PRKAR1A: variants seen among roughly 807,000 people sequenced by gnomAD.
The protein encoded by PRKAR1A is cAMP-dependent protein kinase type I-alpha regulatory subunit.
Under a neutral mutation model 52.0 loss-of-function variants are expected in PRKAR1A, and 3 were observed. The observed-to-expected ratio is 0.06, with a 90% CI of 0.03 to 0.15. PRKAR1A has a LOEUF of 0.15. Ranked by LOEUF, PRKAR1A falls within the 10% of genes least tolerant of loss-of-function variation. The pLI, the probability that PRKAR1A is intolerant of heterozygous loss-of-function variation, is 1.00. For missense variants in PRKAR1A, 240 were observed against 477.4 expected (o/e 0.50, Z 4.63); for synonymous variants, 188 against 168.4 (o/e 1.12, Z -0.90).
At chr17:68,454,512 G>A in the PRKAR1A span, among the ~76,000 whole-genome samples, 1 of 152,102 alleles carries the variant, frequency 6.6e-6, no homozygotes, top group Non-Finnish European at 1.5e-5. Flanking sequence ...GTGACGTCTC[G>A]CAGCCCTCCA....
the PRKAR1A span, among the ~76,000 whole-genome samples, chr17:68,490,772 T>A: frequency 6.6e-5 from 10 of 152,288 alleles, no homozygotes; most frequent in African/African-American, 2.4e-4. Context: ...GCATCCCTCA[T>A]CATCCTTTGG....
Position 68,520,081 on chromosome 17 carries a change from C to T in PRKAR1A, c.178-2675C>T, listed in dbSNP as rs151333293. On this transcript the variant is annotated intron_variant, in intron 2 of 10. Transcript: ENST00000589228. ...TGTTCTTGACACCACATATCTTGTT[C>T]TGGGGCTGAGCAGAAGGAGCAGCCC... 4.1e-4 allele frequency among the ~76,000 whole-genome samples: 63 copies of T among 152,296 alleles called. No homozygotes were observed. The East Asian group carries it at 9.7e-3, about 23-fold the overall frequency.
chr17:68,455,268 C>G, the PRKAR1A span, among the ~76,000 whole-genome samples: 1 of 148,872 alleles, frequency 6.7e-6, no homozygotes, highest in Non-Finnish European at 1.5e-5. Flanking sequence ...GAGGCTGAGA[C>G]AGGAGAATCG....
intron 1 of PRKAR1A, chr17:68,514,709 A>C (rs1312681438): frequency 1.3e-5 from 2 of 152,186 alleles, no homozygotes; most frequent in African/African-American, 4.8e-5. Flanking sequence ...TGTGGTAAGA[A>C]TTCTCCCCTC....
the PRKAR1A span, among the ~76,000 whole-genome samples, chr17:68,489,239 A>ATATATATATATATATGGAAAG: frequency 2.6e-4 from 5 of 19,384 alleles, 1 homozygote; most frequent in African/African-American, 1.1e-3. Context: ...TGGAAAGTAT[A>ATATATATATATATATGGAAAG]TATATATATA....
At chr17:68,547,599 C>T (rs190828329) in intron 11 of PRKAR1A, among the ~76,000 whole-genome samples, 217 of 152,362 alleles carry the variant, frequency 1.4e-3, no homozygotes, top group African/African-American at 5.0e-3. Context: ...GCCTGGTGAA[C>T]TAACCTCTGC....
chr17:68,491,339 G>T, the PRKAR1A span, among the ~76,000 whole-genome samples: 2 of 152,136 alleles, frequency 1.3e-5, no homozygotes, highest in Admixed American at 6.5e-5. Context: ...TGATCTGCCC[G>T]CTTCAACCTC....
At chr17:68,535,748 G>A (rs1020410185), downstream of PRKAR1A, 5 of 452,394 alleles carry the variant, frequency 1.1e-5, no homozygotes, top group Non-Finnish European at 2.2e-5. Context: ...CTGAGACCAA[G>A]CGATCTGCCT....
chr17:68,435,713 C>A, the PRKAR1A span: 1 of 1,614,168 alleles, frequency 6.2e-7, no homozygotes, highest in Non-Finnish European at 8.5e-7. Context: ...AGACTGTTTT[C>A]TGTTGGTGAA....
At chr17:68,487,057 A>G in the PRKAR1A span, among the ~76,000 whole-genome samples, 1 of 152,098 alleles carries the variant, frequency 6.6e-6, no homozygotes, top group South Asian at 2.1e-4. Context: ...TATTTTTAGT[A>G]GAGATGGGAT....
At chr17:68,550,392 TTTTTA>T (rs1390090694) in intron 11 of PRKAR1A, among the ~76,000 whole-genome samples, 1 of 141,956 alleles carries the variant, frequency 7.0e-6, no homozygotes, top group African/African-American at 2.8e-5. Flanking sequence ...TTTTTTTTTT[TTTTTA>T]AGATAGAGAG....
chr17:68,448,943 C>T, the PRKAR1A span, among the ~76,000 whole-genome samples: 12 of 152,188 alleles, frequency 7.9e-5, no homozygotes, highest in Non-Finnish European at 1.8e-4. Context: ...CTTAAAAGGT[C>T]CCACTTCTCT....
the PRKAR1A span, among the ~76,000 whole-genome samples, chr17:68,458,714 A>G: frequency 6.6e-6 from 1 of 152,238 alleles, no homozygotes; most frequent in African/African-American, 2.4e-5. Flanking sequence ...AATTACTGTC[A>G]ATACGGTTTA....
chr17:68,541,258 T>G, intron 11 of PRKAR1A: 1 of 403,828 alleles, frequency 2.5e-6, no homozygotes, highest in Non-Finnish European at 4.7e-6. Context: ...CCTCACCTGC[T>G]TCCTCGTCCC....
the PRKAR1A span, among the ~76,000 whole-genome samples, chr17:68,478,043 G>C: frequency 6.6e-6 from 1 of 152,326 alleles, no homozygotes; most frequent in Non-Finnish European, 1.5e-5. Flanking sequence ...TTTCAAGTAA[G>C]CTTTAACAAA....
the PRKAR1A span, chr17:68,420,080 T>G: frequency 7.9e-7 from 1 of 1,271,162 alleles, no homozygotes; most frequent in South Asian, 1.4e-5. Context: ...TTGGAACATT[T>G]GGTTATCTGG....
At chr17:68,536,422 T>C (rs1379717352), downstream of PRKAR1A, 1 of 454,150 alleles carries the variant, frequency 2.2e-6, no homozygotes, top group Non-Finnish European at 4.4e-6. Flanking sequence ...GAGTTTCAGA[T>C]ATCAACAAGT....
intron 7 of PRKAR1A, 124 bp from the exon 8 acceptor site, chr17:68,527,716 A>G: frequency 1.3e-6 from 1 of 791,586 alleles, no homozygotes; most frequent in South Asian, 1.6e-5. Context: ...TCCTCATTAA[A>G]AGCAACAAGC....
At chr17:68,511,975 G>A (rs1042599423), upstream of PRKAR1A, 2 of 152,540 alleles carry the variant, frequency 1.3e-5, no homozygotes, top group African/African-American at 4.8e-5. Context: ...GGCCAGGGAG[G>A]GGGTGGAAAG....
Sources: allele counts gnomAD v4.1 joint callset (sites outside exome capture counted in the v4.1 genomes callset), GRCh38; gene constraint gnomAD v4.1.1; transcripts MANE v1.5; gene names NCBI Gene and HGNC (gene_info 2026-07-23, HGNC 2026-07-21).